Variants in UBAP2 observed in about 807,000 individuals in gnomAD.
The protein encoded by UBAP2 is ubiquitin-associated protein 2.
UBAP2 carries 75 observed loss-of-function variants against 139.6 expected under a neutral mutation model. The observed-to-expected ratio is 0.54, with a 90% CI of 0.45 to 0.65. The LOEUF is 0.65. Ranked by LOEUF, UBAP2 falls within the 30% of genes least tolerant of loss-of-function variation. The pLI, the probability that UBAP2 is intolerant of heterozygous loss-of-function variation, is 0.00. For missense variants in UBAP2, 1,368 were observed against 1,369.6 expected, an observed-to-expected ratio of 1.00 and a Z score of 0.02; for synonymous variants, 526 against 526.2, an observed-to-expected ratio of 1.00 and a Z score of 0.01.
chr9:33,975,267 T>TA (rs1432356024), intron 6 of UBAP2, among the ~76,000 whole-genome samples: 9 of 149,138 alleles, frequency 6.0e-5, no homozygotes, highest in East Asian at 6.0e-4. Context: ...CCGTCTTTAT[T>TA]AAAAAAATGC....
intron 2 of UBAP2, among the ~76,000 whole-genome samples, chr9:33,999,185 A>C (rs1822464154): frequency 6.6e-6 from 1 of 152,188 alleles, no homozygotes; most frequent in African/African-American, 2.4e-5. Flanking sequence ...CAGAAGAACA[A>C]AAAATAATAA....
chr9:34,028,361 C>CTTATTTATTTATTTATTTATTTAT (rs143612468), intron 1 of UBAP2, among the ~76,000 whole-genome samples: 233 of 144,106 alleles, frequency 1.6e-3, no homozygotes, highest in East Asian at 3.5e-3. Context: ...TAAACCCTGT[C>CTTATTTATTTATTTATTTATTTAT]TTATTTATTT....
rs779967874 is a variant in UBAP2, at chr9:33,986,884, T to C, written c.443-47A>G. 37 of 1,519,220 alleles carry C rather than the reference T, an allele frequency of 2.4e-5. No individual in the cohort carries two copies. The South Asian group carries it at 3.8e-4, about 16-fold the overall frequency. 94.1% of individuals were successfully genotyped at this position (1,519,220 alleles called of 1,614,324 possible). On this transcript the variant is annotated intron_variant, in intron 5 of 28. Coordinates refer to ENST00000379238, the MANE Select transcript of UBAP2 (RefSeq NM_001370062.2). ...AATCAAATTTCCATTTCCAAACCTC[T>C]TGTACATAACCTTATCAAGCACCTA...
At chr9:33,928,016 C>T (rs768703902) in intron 19 of UBAP2, 24 bp from the exon 20 acceptor site, 6 of 1,596,494 alleles carry the variant, frequency 3.8e-6, no homozygotes, top group Non-Finnish European at 5.1e-6. Flanking sequence ...AGCCAGGACA[C>T]ATGGATCTGG....
intron 1 of UBAP2, among the ~76,000 whole-genome samples, chr9:34,044,468 G>A (rs1353150027): frequency 6.6e-6 from 1 of 151,822 alleles, no homozygotes; most frequent in African/African-American, 2.4e-5. Context: ...GGGAAGTTGA[G>A]GCACAAGAAT....
chr9:33,960,288 T>C (rs1446075782), intron 10 of UBAP2, among the ~76,000 whole-genome samples: 2 of 152,106 alleles, frequency 1.3e-5, no homozygotes, highest in South Asian at 2.1e-4. Flanking sequence ...ATCTTGACAA[T>C]TGGTCATTTT....
At chr9:33,975,801 C>CAA (rs556958048) in intron 6 of UBAP2, among the ~76,000 whole-genome samples, 3 of 72,320 alleles carry the variant, frequency 4.1e-5, no homozygotes, top group South Asian at 4.6e-4. Context: ...GACTCCGTCT[C>CAA]AAAAAAAAAA....
chr9:34,046,465 A>C (rs1247666976), intron 1 of UBAP2, among the ~76,000 whole-genome samples: 1 of 151,946 alleles, frequency 6.6e-6, no homozygotes, highest in Non-Finnish European at 1.5e-5. Flanking sequence ...AACACAGTGA[A>C]ACCCCATCTC....
chr9:33,923,211 C>A lies in UBAP2; in HGVS notation c.2979G>T (p.Lys993Asn). The change falls in exon 26 of 29, where the codon AAG becomes AAT. Residue 993 changes from lysine to asparagine, a missense_variant. Transcript: ENST00000379238. ...GYAGSSQAPN[K>N]SAGSGPGKGV... ...CTTTGCCAGGCCCAGAACCTGCAGA[C>A]TTGTTTGGTGCCTGCGATGATCCAG... 5 of 1,614,218 alleles carry A rather than the reference C, an allele frequency of 3.1e-6. No homozygotes were observed. Among genetic ancestry groups the A allele is most frequent in the Non-Finnish European group, 4.2e-6 (5 of 1,180,030 alleles).
chr9:33,956,881 G>A (rs1285400840), intron 10 of UBAP2, among the ~76,000 whole-genome samples: 1 of 152,014 alleles, frequency 6.6e-6, no homozygotes, highest in East Asian at 1.9e-4. Flanking sequence ...ACTCTGGGCA[G>A]CCGAGGCAGG....
chr9:34,003,716 T>C (rs1822930317), intron 2 of UBAP2, among the ~76,000 whole-genome samples: 1 of 143,302 alleles, frequency 7.0e-6, no homozygotes, highest in African/African-American at 2.6e-5. Context: ...CAAAGAAAGA[T>C]TTCTTTCTTT....
intron 1 of UBAP2, among the ~76,000 whole-genome samples, chr9:34,020,629 G>A (rs1377094977): frequency 6.7e-6 from 1 of 149,752 alleles, no homozygotes; most frequent in African/African-American, 2.5e-5. Context: ...CCGGCCCAGA[G>A]CCAACGATTT....
intron 2 of UBAP2, among the ~76,000 whole-genome samples, chr9:34,009,157 T>C (rs910546412): frequency 3.3e-5 from 5 of 151,648 alleles, no homozygotes; most frequent in Admixed American, 1.3e-4. Context: ...TGGAGCACAG[T>C]GGCACAGTCT....
chr9:34,045,349 A>C (rs992958189), intron 1 of UBAP2, among the ~76,000 whole-genome samples: 1 of 151,962 alleles, frequency 6.6e-6, no homozygotes, highest in African/African-American at 2.4e-5. Context: ...CTTCAAAAAA[A>C]AAAAAGGGTA....
intron 2 of UBAP2, among the ~76,000 whole-genome samples, chr9:33,999,170 G>A (rs1429170787): frequency 6.6e-6 from 1 of 152,076 alleles, no homozygotes; most frequent in African/African-American, 2.4e-5. Context: ...CAGCTCAAGA[G>A]AAAGCAGAAG....
chr9:34,040,508 G>A (rs953503590), intron 1 of UBAP2, among the ~76,000 whole-genome samples: 2 of 152,080 alleles, frequency 1.3e-5, no homozygotes, highest in African/African-American at 4.8e-5. Flanking sequence ...CACTTTGTGC[G>A]GGTGAGGTGG....
At chr9:33,980,311 C>T (rs1172337237) in intron 6 of UBAP2, among the ~76,000 whole-genome samples, 7 of 126,752 alleles carry the variant, frequency 5.5e-5, no homozygotes, top group East Asian at 2.8e-4. Context: ...CGGGTCACTA[C>T]GAGCTCCGTC....
Position 33,927,884 on chromosome 9 carries a change from T to C in UBAP2, c.2284A>G (p.Met762Val), listed in dbSNP as rs765854334. Reference protein sequence around the residue: ...ASSGASLSSSMNTANSLCLGG... With the variant: ...ASSGASLSSSVNTANSLCLGG... ...AGACAGAGGCTGTTCGCGGTGTTCATGCTACTGGACAGGCTGGCGCCTGAG... is the reference window on the plus strand; with the variant it reads ...AGACAGAGGCTGTTCGCGGTGTTCACGCTACTGGACAGGCTGGCGCCTGAG... The change falls in exon 20 of 29, where the codon ATG (methionine) becomes GTG (valine). Residue 762 changes from methionine (M) to valine (V), a missense_variant. Coordinates refer to ENST00000379238, the MANE Select transcript of UBAP2 (RefSeq NM_001370062.2). 2 of 1,614,216 alleles carry C rather than the reference T, an allele frequency of 1.2e-6. No homozygotes were observed. The highest frequency in any genetic ancestry group is 2.7e-5 in the African/African-American group (2 of 75,074).
At chr9:34,029,216 A>G (rs1260393403) in intron 1 of UBAP2, among the ~76,000 whole-genome samples, 1 of 152,210 alleles carries the variant, frequency 6.6e-6, no homozygotes, top group East Asian at 1.9e-4. Context: ...AGAGAACTGA[A>G]AACACGTTCA....
Sources: gnomAD v4.1 joint callset for allele counts (sites outside exome capture counted in the v4.1 genomes callset) on GRCh38, gnomAD v4.1.1 for gene constraint, MANE v1.5 for transcripts, NCBI Gene and HGNC (gene_info 2026-07-23, HGNC 2026-07-21) for gene names.